The following PAK3 variants were observed in gnomAD, a reference collection of about 807,000 sequenced individuals.
The protein encoded by PAK3 is p21 (RAC1) activated kinase 3.
A neutral mutation model predicts 41.0 loss-of-function variants in PAK3; 4 were observed. That is an observed-to-expected ratio of 0.10 (90% confidence interval 0.05 to 0.22). The LOEUF (loss-of-function observed/expected upper bound fraction) is 0.22. PAK3 is among the 10% of genes least tolerant of loss of function. The pLI is 1.00. For missense variants in PAK3, 205 were observed against 409.9 expected (o/e 0.50, Z 4.32); for synonymous variants, 146 against 139.6 (o/e 1.05, Z -0.32).
intron 1 of PAK3, among the ~76,000 whole-genome samples, chrX:110,976,139 A>G (rs2091323660): frequency 8.9e-6 from 1 of 112,429 alleles, no homozygotes; most frequent in South Asian, 3.7e-4. Flanking sequence ...GAGCTTCTGC[A>G]TGGCAAACAA....
Position 111,004,024 on chromosome X carries a change from G to C in PAK3, c.-28+59396G>C, listed in dbSNP as rs760022827. ...CTATATCATATTGGGTTGGGAGAAA[G>C]AGTAAATGAGATAATGCTATGAACT... On this transcript the variant is annotated intron_variant, in intron 1 of 14. Transcript: ENST00000425146. Among the ~76,000 whole-genome samples the C allele has an allele frequency of 1.6e-4, 18 of 112,289 alleles. No homozygotes were observed. In the East Asian group the frequency reaches 5.0e-3, roughly 31 times the overall value.
chrX:111,125,869 C>A (rs965305043), intron 5 of PAK3, among the ~76,000 whole-genome samples: 3 of 111,867 alleles, frequency 2.7e-5, no homozygotes, highest in African/African-American at 9.7e-5. Flanking sequence ...TCTTACTGGA[C>A]AGCTAATAAG....
At chrX:111,170,950 G>A (rs1255706277) in intron 10 of PAK3, among the ~76,000 whole-genome samples, 1 of 111,108 alleles carries the variant, frequency 9.0e-6, no homozygotes, top group East Asian at 2.9e-4. Flanking sequence ...GCAGTGGGCA[G>A]GAGCTTTTAA....
chrX:111,138,651 A>G (rs888665329), intron 5 of PAK3, among the ~76,000 whole-genome samples: 13 of 111,205 alleles, frequency 1.2e-4, no homozygotes, highest in Non-Finnish European at 2.1e-4. Context: ...TAGCATGTAT[A>G]AAAGCTTGGA....
intron 11 of PAK3, among the ~76,000 whole-genome samples, chrX:111,173,526 C>T (rs1039220063): frequency 3.6e-5 from 4 of 110,838 alleles, no homozygotes; most frequent in African/African-American, 9.8e-5. Context: ...TGGAATGATC[C>T]GGAGGTAGGC....
At chrX:111,044,005 A>G (rs2092475031) in intron 1 of PAK3, among the ~76,000 whole-genome samples, 1 of 112,381 alleles carries the variant, frequency 8.9e-6, no homozygotes, top group Admixed American at 9.4e-5. Flanking sequence ...ATACTTAAAT[A>G]CCTTGTTAGT....
intron 5 of PAK3, among the ~76,000 whole-genome samples, chrX:111,137,859 T>C (rs192501391): frequency 8.9e-6 from 1 of 111,806 alleles, no homozygotes; most frequent in Admixed American, 9.5e-5. Context: ...TTTGGACTTC[T>C]GCTCTCTGCA....
chrX:111,146,675 C>A, intron 6 of PAK3: 1 of 437,369 alleles, frequency 2.3e-6, no homozygotes, highest in South Asian at 6.7e-5. Flanking sequence ...TGGCTTATCT[C>A]ACTTTTTTTG....
At chrX:111,013,921 T>G (rs1302933867) in intron 1 of PAK3, 1 of 112,011 alleles carries the variant, frequency 8.9e-6, no homozygotes, top group Non-Finnish European at 1.9e-5. Context: ...ATGGTCTCTG[T>G]GTCCCTAAAT....
intron 16 of PAK3, among the ~76,000 whole-genome samples, chrX:111,201,363 T>A (rs763826352): frequency 8.9e-6 from 1 of 111,908 alleles, no homozygotes; most frequent in Non-Finnish European, 1.9e-5. Flanking sequence ...AGAAAAAGGA[T>A]CTAACATGAG....
intron 1 of PAK3, among the ~76,000 whole-genome samples, chrX:111,061,419 G>A (rs1321997426): frequency 3.6e-5 from 4 of 111,846 alleles, no homozygotes; most frequent in Non-Finnish European, 7.5e-5. Context: ...ATATCTGTAA[G>A]GGGAAGTATC....
intron 4 of PAK3, among the ~76,000 whole-genome samples, chrX:111,119,233 A>G (rs1286810802): frequency 6.2e-5 from 7 of 112,267 alleles, no homozygotes; most frequent in African/African-American, 2.3e-4. Context: ...TTGCTAAACC[A>G]CATTAAGTCC....
chrX:111,177,813 C>A (rs1478767194), intron 11 of PAK3, among the ~76,000 whole-genome samples: 1 of 111,816 alleles, frequency 8.9e-6, no homozygotes, highest in Non-Finnish European at 1.9e-5. Context: ...TGGCAGCTGT[C>A]CTCACAGATT....
intron 1 of PAK3, among the ~76,000 whole-genome samples, chrX:110,986,760 T>C (rs1219802962): frequency 1.8e-5 from 2 of 110,020 alleles, no homozygotes; most frequent in Admixed American, 9.7e-5. Context: ...TGTACGCGTG[T>C]GTGTGTGTGT....
At chrX:111,126,433 G>A (rs931440480) in intron 5 of PAK3, among the ~76,000 whole-genome samples, 2 of 110,871 alleles carry the variant, frequency 1.8e-5, no homozygotes, top group African/African-American at 3.3e-5. Flanking sequence ...TGGGGAAAGA[G>A]GGATTACTAT....
intron 1 of PAK3, among the ~76,000 whole-genome samples, chrX:110,960,395 A>G (rs2090954494): frequency 8.9e-6 from 1 of 112,164 alleles, no homozygotes; most frequent in African/African-American, 3.2e-5. Flanking sequence ...ATAAATTTCA[A>G]CAAGAATAGC....
chrX:111,139,605 T>C (rs1279022843), intron 5 of PAK3, among the ~76,000 whole-genome samples: 1 of 112,114 alleles, frequency 8.9e-6, no homozygotes, highest in Non-Finnish European at 1.9e-5. Flanking sequence ...TTCCTGCCTT[T>C]GTTATGCTTA....
chrX:111,113,727 T>A (rs1050752779), intron 4 of PAK3, among the ~76,000 whole-genome samples: 1 of 110,867 alleles, frequency 9.0e-6, no homozygotes, highest in South Asian at 3.9e-4. Context: ...CATTAACTCG[T>A]CATTTACATT....
At chrX:110,975,795 A>C (rs2091315799) in intron 1 of PAK3, among the ~76,000 whole-genome samples, 1 of 111,523 alleles carries the variant, frequency 9.0e-6, no homozygotes, top group African/African-American at 3.3e-5. Context: ...GAGGCCTCAG[A>C]AATAACACCA....
Sources: gnomAD v4.1 joint callset for allele counts (sites outside exome capture counted in the v4.1 genomes callset) on GRCh38, gnomAD v4.1.1 for gene constraint, MANE v1.5 for transcripts, NCBI Gene and HGNC (gene_info 2026-07-23, HGNC 2026-07-21) for gene names.